Variants in TBC1D9 observed in about 807,000 individuals in gnomAD.
The protein encoded by TBC1D9 is TBC1 domain family member 9A.
Under a neutral mutation model 132.0 loss-of-function variants are expected in TBC1D9, and 63 were observed. The ratio of observed to expected loss-of-function variants is 0.48; its 90% confidence interval spans 0.39 to 0.59. The LOEUF is 0.59. TBC1D9 is among the 20% of genes least tolerant of loss of function. The pLI, the probability that TBC1D9 is intolerant of heterozygous loss-of-function variation, is 0.00. For missense variants in TBC1D9, 1,261 were observed against 1,592.7 expected, an observed-to-expected ratio of 0.79 and a Z score of 3.54; for synonymous variants, 610 against 609.9, an observed-to-expected ratio of 1.00 and a Z score of 0.00.
intron 2 of TBC1D9, among the ~76,000 whole-genome samples, chr4:140,696,122 G>A (rs1445665570): frequency 1.3e-5 from 2 of 152,068 alleles, no homozygotes; most frequent in Middle Eastern, 3.2e-3. Context: ...AAATGTAAAC[G>A]ATCAACTTCT....
At chr4:140,638,538 A>C (rs963193854) in intron 15 of TBC1D9, among the ~76,000 whole-genome samples, 1 of 151,828 alleles carries the variant, frequency 6.6e-6, no homozygotes, top group Non-Finnish European at 1.5e-5. Flanking sequence ...GAAAAATATA[A>C]AAGTTAGCCG....
intron 3 of TBC1D9, among the ~76,000 whole-genome samples, chr4:140,683,092 G>A (rs1230769879): frequency 6.6e-6 from 1 of 152,014 alleles, no homozygotes; most frequent in Admixed American, 6.6e-5. Flanking sequence ...TGGTCAGGCT[G>A]GTCTCGAACT....
At chr4:140,737,777 G>C (rs1405543314) in intron 1 of TBC1D9, among the ~76,000 whole-genome samples, 1 of 152,126 alleles carries the variant, frequency 6.6e-6, no homozygotes, top group Non-Finnish European at 1.5e-5. Context: ...AAATCGCTTT[G>C]GTGGAAAATT....
intron 2 of TBC1D9, among the ~76,000 whole-genome samples, chr4:140,697,481 G>GGAGCTA: frequency 6.6e-6 from 1 of 152,180 alleles, no homozygotes; most frequent in Admixed American, 6.6e-5. Context: ...AGGAAATTCT[G>GGAGCTA]GAGCTATCTC....
intron 1 of TBC1D9, among the ~76,000 whole-genome samples, chr4:140,720,375 A>C (rs533448306): frequency 1.1e-4 from 16 of 152,378 alleles, no homozygotes; most frequent in African/African-American, 3.6e-4. Flanking sequence ...CAACAGGAGC[A>C]GAAGACCAGT....
At chr4:140,740,269 T>C (rs1482646107) in intron 1 of TBC1D9, among the ~76,000 whole-genome samples, 1 of 152,250 alleles carries the variant, frequency 6.6e-6, no homozygotes, top group Non-Finnish European at 1.5e-5. Context: ...CTCAGGCATC[T>C]GCTGAAGGAC....
intron 1 of TBC1D9, among the ~76,000 whole-genome samples, chr4:140,752,938 T>C (rs1738948699): frequency 6.6e-6 from 1 of 152,182 alleles, no homozygotes; most frequent in Non-Finnish European, 1.5e-5. Context: ...ACATGTACAC[T>C]GATCCAGATA....
At chr4:140,660,348 G>A (rs1007444476) in intron 10 of TBC1D9, among the ~76,000 whole-genome samples, 4 of 152,196 alleles carry the variant, frequency 2.6e-5, no homozygotes, top group African/African-American at 9.7e-5. Flanking sequence ...AAAAGAGGAA[G>A]ATCAAAAGGT....
At chr4:140,738,308 T>C (rs1370577778) in intron 1 of TBC1D9, among the ~76,000 whole-genome samples, 1 of 152,206 alleles carries the variant, frequency 6.6e-6, no homozygotes, top group Non-Finnish European at 1.5e-5. Flanking sequence ...GCTTACTTTA[T>C]CTTATGTAAA....
At chr4:140,662,170 T>A in intron 9 of TBC1D9, 63 bp from the exon 10 acceptor site, 1 of 1,304,152 alleles carries the variant, frequency 7.7e-7, no homozygotes, top group Non-Finnish European at 1.1e-6. Context: ...GGTTTGCAAC[T>A]ACAGCTTATG....
At chr4:140,735,147 A>G (rs984263407) in intron 1 of TBC1D9, among the ~76,000 whole-genome samples, 5 of 152,176 alleles carry the variant, frequency 3.3e-5, no homozygotes, top group African/African-American at 1.2e-4. Flanking sequence ...TCTCTTTGAC[A>G]TTTATATTCT....
chr4:140,644,338 G>A lies in TBC1D9; in HGVS notation c.2338-4910C>T, dbSNP rs139602560. The A allele has an allele frequency of 3.6e-3, 997 of 278,652 alleles. 15 individuals are homozygous for A. Among genetic ancestry groups the A allele is most frequent in the African/African-American group, 0.021 (928 of 43,376 alleles). 17.3% of individuals were successfully genotyped at this position (278,652 alleles called of 1,614,324 possible). A position where few individuals can be genotyped will look rare whatever the true frequency, so the allele number is the denominator to read the frequency against. ...AGGGAGTGGGGAGGCAGGCTGGTGG[G>A]GTGGGAGCTAGGGGTAGCAGGGTAG... On this transcript the variant is annotated intron_variant, in intron 13 of 20. Transcript: ENST00000442267.
At position 140,684,506 on chromosome 4, in the gene TBC1D9, G is replaced by A. The variant is rs1386513331; in HGVS notation, c.360+1838C>T. The stretch of plus-strand genomic sequence containing the variant: ...AAATCCCTCCTCATAATTGGTTTCA[G>A]GGGAATTAAATCTGACATTTTTGGT... On this transcript the variant is annotated intron_variant, in intron 3 of 20. Transcript: ENST00000442267. Among the ~76,000 whole-genome samples, 7 of 152,060 alleles carry A rather than the reference G, an allele frequency of 4.6e-5. 1 individual carries two copies. In the East Asian group the frequency reaches 1.4e-3, roughly 30 times the overall value.
rs749353486 is a variant in TBC1D9, at chr4:140,678,996, C to T, written c.797G>A (p.Arg266Gln). The change falls in exon 5 of 21, where the codon CGA becomes CAA. Residue 266 changes from arginine to glutamine, a missense_variant. This residue lies in a region of TBC1D9 where 550 missense variants were observed against 699.0 expected (regional missense o/e 0.79). Coordinates refer to ENST00000442267, the MANE Select transcript of TBC1D9 (RefSeq NM_015130.3). ...TTTCCTTTTGAGTTTGGGCAGGGAT[C>T]GATCTTGTTCAAATCCCTCATTGTC... ...LLDNEGFEQD[R>Q]SLPKLKRKSP... 28 of 1,613,868 alleles carry T rather than the reference C, an allele frequency of 1.7e-5. No homozygotes were observed. Among genetic ancestry groups the T allele is most frequent in the Non-Finnish European group, 2.1e-5 (25 of 1,179,850 alleles).
chr4:140,699,858 G>A (rs1035463272), intron 2 of TBC1D9, among the ~76,000 whole-genome samples: 1 of 152,194 alleles, frequency 6.6e-6, no homozygotes, highest in Non-Finnish European at 1.5e-5. Context: ...TGCATGGGGG[G>A]TGGTATAGAT....
chr4:140,741,395 A>G (rs1010768268), intron 1 of TBC1D9, among the ~76,000 whole-genome samples: 1 of 152,126 alleles, frequency 6.6e-6, no homozygotes, highest in African/African-American at 2.4e-5. Flanking sequence ...TTTAATTAAG[A>G]ATCTAGCACC....
intron 1 of TBC1D9, among the ~76,000 whole-genome samples, chr4:140,729,626 T>C (rs1486937161): frequency 6.6e-6 from 1 of 152,178 alleles, no homozygotes; most frequent in African/African-American, 2.4e-5. Flanking sequence ...GAGACCATCC[T>C]GGCCAACATG....
chr4:140,739,074 G>A (rs115483909), intron 1 of TBC1D9, among the ~76,000 whole-genome samples: 1,935 of 151,670 alleles, frequency 0.013, 40 homozygotes, highest in African/African-American at 0.045. Flanking sequence ...GTGCAATGGC[G>A]CAACCTCCAC....
chr4:140,640,447 T>TGGGGGGG (rs55770281), intron 13 of TBC1D9, among the ~76,000 whole-genome samples: 549 of 107,724 alleles, frequency 5.1e-3, no homozygotes, highest in Middle Eastern at 8.8e-3. Context: ...GGTGGTGGGG[T>TGGGGGGG]GGGGGGGGGA....
Sources: gnomAD v4.1 joint callset for allele counts (sites outside exome capture counted in the v4.1 genomes callset) on GRCh38, gnomAD v4.1.1 for gene constraint, gnomAD v4.1.1 regional missense constraint, MANE v1.5 for transcripts, NCBI Gene and HGNC (gene_info 2026-07-23, HGNC 2026-07-21) for gene names.